ZNF541: variants seen among roughly 807,000 people sequenced by gnomAD.
ZNF541 encodes zinc finger protein 541.
In ZNF541, 23 loss-of-function variants were observed where a neutral mutation model predicts 123.5. The observed-to-expected ratio is 0.19, with a 90% CI of 0.13 to 0.26. The LOEUF (loss-of-function observed/expected upper bound fraction) is 0.26. Among genes scored for constraint, ZNF541 ranks in the 10% least tolerant of loss-of-function variants. The pLI is 1.00. For missense variants in ZNF541, 1,612 were observed against 1,789.9 expected (o/e 0.90, Z 1.79); for synonymous variants, 751 against 754.5 (o/e 1.00, Z 0.08).
intron 4 of ZNF541, among the ~76,000 whole-genome samples, chr19:47,548,130 A>C (rs200841941): frequency 0.031 from 2,193 of 71,874 alleles, 43 homozygotes; most frequent in African/African-American, 0.3. Context: ...AAAAAAAAAC[A>C]AAAAAAAAAA....
intron 3 of ZNF541, among the ~76,000 whole-genome samples, chr19:47,552,071 T>A (rs1452752751): frequency 6.6e-6 from 1 of 151,038 alleles, no homozygotes; most frequent in Non-Finnish European, 1.5e-5. Flanking sequence ...TTGGCCAGGC[T>A]AGTCTCAAAC....
intron 2 of ZNF541, among the ~76,000 whole-genome samples, chr19:47,570,787 A>C (rs1484477296): frequency 2.0e-5 from 3 of 151,446 alleles, no homozygotes. Context: ...TCTTAAGAGC[A>C]AAAGTTTTAA....
intron 14 of ZNF541, among the ~76,000 whole-genome samples, chr19:47,525,343 A>G (rs1306846853): frequency 6.6e-6 from 1 of 151,830 alleles, no homozygotes; most frequent in African/African-American, 2.4e-5. Context: ...TGCAGTACCA[A>G]TCAAAATCCT....
intron 4 of ZNF541, 33 bp from the exon 5 acceptor site, chr19:47,546,013 G>C: frequency 6.9e-7 from 1 of 1,439,406 alleles, no homozygotes; most frequent in Non-Finnish European, 9.2e-7. Flanking sequence ...GCGTCACCGG[G>C]GCACCTGGGA....
rs1339149907 is a variant in ZNF541 at position 47,544,779 on chromosome 19, C to G, written c.1750G>C (p.Glu584Gln). 3 of 1,513,808 alleles carry G rather than the reference C, an allele frequency of 2.0e-6. No individual in the cohort carries two copies. Among genetic ancestry groups the G allele is most frequent in the African/African-American group, 2.8e-5 (2 of 72,632 alleles). 93.8% of individuals were successfully genotyped at this position (1,513,808 alleles called of 1,614,324 possible). ...GGCCTCAGGGCGGCTGGTTTGCCCTCGGGCGCAGGGAGCTGGGAGGAGACT... is the reference window on the plus strand; with the variant it reads ...GGCCTCAGGGCGGCTGGTTTGCCCTGGGGCGCAGGGAGCTGGGAGGAGACT... Reference protein sequence around the residue: ...AAVSSQLPAPEGKPAALRPLQ... With the variant: ...AAVSSQLPAPQGKPAALRPLQ... The change falls in exon 5 of 17, where the codon GAG (glutamate) becomes CAG (glutamine). Residue 584 changes from glutamate to glutamine, a missense_variant. Coordinates refer to ENST00000391901, the MANE Select transcript of ZNF541 (RefSeq NM_001277075.3).
intron 2 of ZNF541, among the ~76,000 whole-genome samples, chr19:47,563,098 T>C (rs576581405): frequency 6.6e-5 from 10 of 152,334 alleles, no homozygotes; most frequent in Middle Eastern, 3.4e-3. Flanking sequence ...AATGTCTGCA[T>C]TGCATGTTAT....
chr19:47,526,496 A>AG (rs1555766749), intron 14 of ZNF541, among the ~76,000 whole-genome samples: 1 of 137,360 alleles, frequency 7.3e-6, no homozygotes. Flanking sequence ...AAAAAAAAAA[A>AG]AAAAGAAAAC....
chr19:47,549,332 G>A lies in ZNF541; in HGVS notation c.461C>T (p.Ser154Phe). 6.4e-7 allele frequency: 1 copy of A among 1,551,796 alleles called. No homozygotes were observed. The highest frequency in any genetic ancestry group is 1.4e-5 in the African/African-American group (1 of 73,140). ...LCGKVFSSAS[S>F]LSKHYLTHSQ... ...GTGTGTCAGGTAGTGCTTGCTCAGA[G>A]AACTGGCGCTGCTGAACACCTTCCC... The change falls in exon 4 of 17, where the codon TCT becomes TTT. Residue 154 changes from serine to phenylalanine, a missense_variant. This residue lies in a region of ZNF541 where 212 missense variants were observed against 289.6 expected (regional missense o/e 0.73). Transcript: ENST00000391901.
Position 47,529,486 on chromosome 19 carries a change from C to A in ZNF541, c.3481+91G>T, listed in dbSNP as rs1158757550. 2.2e-6 allele frequency: 3 copies of A among 1,349,206 alleles called. No individual in the cohort carries two copies. In the African/African-American group the frequency reaches 4.4e-5, roughly 20 times the overall value. 83.6% of individuals were successfully genotyped at this position (1,349,206 alleles called of 1,614,324 possible). ...GCAGGCAAAGGTCCCGAGGAGAACT[C>A]CAGGAGGCAGGGGCAGAGCTTGCAA... On this transcript the variant is annotated intron_variant, in intron 13 of 16. Transcript: ENST00000391901.
intron 2 of ZNF541, among the ~76,000 whole-genome samples, chr19:47,559,249 G>A (rs1023035037): frequency 1.3e-5 from 2 of 151,744 alleles, no homozygotes; most frequent in African/African-American, 2.4e-5. Context: ...GTAGGCACCT[G>A]TAATCTCAGC....
chr19:47,537,441 G>C (rs1205101244), intron 9 of ZNF541, among the ~76,000 whole-genome samples: 1 of 151,418 alleles, frequency 6.6e-6, no homozygotes, highest in East Asian at 2.0e-4. Flanking sequence ...GCGCACGCCT[G>C]TAGTCCCAGC....
intron 9 of ZNF541, among the ~76,000 whole-genome samples, chr19:47,535,109 C>T (rs779493780): frequency 6.6e-6 from 1 of 152,132 alleles, no homozygotes; most frequent in Non-Finnish European, 1.5e-5. Flanking sequence ...CCTGCCACCA[C>T]ACCCGGCTAA....
chr19:47,537,663 T>G (rs1369268159), intron 9 of ZNF541, among the ~76,000 whole-genome samples: 1 of 137,988 alleles, frequency 7.2e-6, no homozygotes, highest in African/African-American at 2.7e-5. Context: ...AAATCACAAG[T>G]CCAGGAGCTC....
chr19:47,530,280 T>C (rs1969503057), intron 12 of ZNF541, among the ~76,000 whole-genome samples: 1 of 151,356 alleles, frequency 6.6e-6, no homozygotes, highest in Non-Finnish European at 1.5e-5. Context: ...GTGATTCTCC[T>C]GCCTCAGCCT....
At chr19:47,563,480 C>A (rs535439755) in intron 2 of ZNF541, among the ~76,000 whole-genome samples, 2 of 151,640 alleles carry the variant, frequency 1.3e-5, no homozygotes, top group African/African-American at 4.8e-5. Flanking sequence ...GATCTGTAAG[C>A]CAAATTCAAA....
rs189265416 is a variant in ZNF541 at position 47,526,801 on chromosome 19, A to C, written c.3570+2149T>G. Among the ~76,000 whole-genome samples the C allele has an allele frequency of 2.6e-5, 4 of 152,304 alleles. No individual in the cohort carries two copies. In the East Asian group the frequency reaches 7.7e-4, roughly 29 times the overall value. ...CGGTTTCTTAAAAAGTTAAGCATAC[A>C]CCTACTAAGTCATTCCATTCCTGGT... On this transcript the variant is annotated intron_variant, in intron 14 of 16. Transcript: ENST00000391901.
chr19:47,571,020 A>T (rs905086826), intron 2 of ZNF541, among the ~76,000 whole-genome samples: 1 of 152,144 alleles, frequency 6.6e-6, no homozygotes, highest in Non-Finnish European at 1.5e-5. Context: ...CCACATACAC[A>T]TGTGCCCAAG....
intron 8 of ZNF541, 91 bp from the exon 9 acceptor site, chr19:47,538,530 C>G (rs140463310): frequency 7.5e-7 from 1 of 1,330,034 alleles, no homozygotes; most frequent in Admixed American, 3.0e-5. Context: ...AAAAGGAGAC[C>G]GGCCAGAGAC....
chr19:47,567,544 G>A (rs976726192), intron 2 of ZNF541, among the ~76,000 whole-genome samples: 3 of 152,214 alleles, frequency 2.0e-5, no homozygotes, highest in Non-Finnish European at 2.9e-5. Context: ...ACAGGCGTGC[G>A]CCACCGCGCC....
Sources: allele counts gnomAD v4.1 joint callset (sites outside exome capture counted in the v4.1 genomes callset), GRCh38; gene constraint gnomAD v4.1.1; regional missense constraint gnomAD v4.1.1; transcripts MANE v1.5; gene names NCBI Gene and HGNC (gene_info 2026-07-23, HGNC 2026-07-21).